The following UNC13B variants were observed in gnomAD, a reference collection of about 807,000 sequenced individuals.
The protein encoded by UNC13B is protein unc-13 homolog B.
Under a neutral mutation model 211.0 loss-of-function variants are expected in UNC13B, and 144 were observed. That is an observed-to-expected ratio of 0.68 (90% CI 0.60 to 0.78). UNC13B has a LOEUF of 0.78. Ranked by LOEUF, UNC13B falls within the 30% of genes least tolerant of loss-of-function variation. UNC13B has a pLI of 0.00. For synonymous variants in UNC13B, 709 were observed against 725.8 expected (o/e 0.98, Z 0.37); for missense variants, 1,777 against 2,002.0 (o/e 0.89, Z 2.14).
chr9:35,303,724 C>A lies in UNC13B; in HGVS notation c.4320C>A (p.Tyr1440Ter). ...SFNQLAFNED[Y>*]LLRGDVWAAN... ...ATCAGTTAGCATTTAATGAAGATTA[C>A]TTATTAAGAGGTGATGTGTGGGCAG... The change falls in exon 9 of 40, where the codon TAC (tyrosine) becomes TAA (stop). Residue 1440 changes from tyrosine to a stop codon, truncating the protein, a stop_gained. Transcript: ENST00000635942. LOFTEE classifies it high-confidence loss of function. 1 of 398,590 alleles carries A rather than the reference C, an allele frequency of 2.5e-6. No individual in the cohort carries two copies. The highest frequency in any genetic ancestry group is 4.4e-6 in the Non-Finnish European group (1 of 225,786). The allele number at this position is 398,590 out of a possible 1,614,324, so 24.7% of individuals were successfully genotyped here.
chr9:35,308,737 G>A (rs1273741604), intron 9 of UNC13B, among the ~76,000 whole-genome samples: 2 of 152,192 alleles, frequency 1.3e-5, no homozygotes, highest in African/African-American at 4.8e-5. Flanking sequence ...GGCAGGAAGA[G>A]GTAGTAAGTA....
intron 6 of UNC13B, among the ~76,000 whole-genome samples, chr9:35,254,178 A>G (rs74792484): frequency 6.6e-6 from 1 of 152,230 alleles, no homozygotes; most frequent in African/African-American, 2.4e-5. Flanking sequence ...TATAATAAAT[A>G]TAGTTGAGTA....
intron 6 of UNC13B, among the ~76,000 whole-genome samples, chr9:35,247,328 A>C (rs1219719426): frequency 6.6e-6 from 1 of 152,106 alleles, no homozygotes; most frequent in Non-Finnish European, 1.5e-5. Flanking sequence ...CTCTTTTTCT[A>C]ATTGAATACC....
rs187973608 is a variant in UNC13B at position 35,387,187 on chromosome 9, G to A, written c.11094+894G>A. Among the ~76,000 whole-genome samples, 17 of 152,264 alleles carry A rather than the reference G, an allele frequency of 1.1e-4. 2 individuals carry two copies. In the East Asian group the frequency reaches 1.5e-3, roughly 14 times the overall value. ...AATTCCAAGGAGGAAGAGTCTTTTCGCACTCTTGATCAGATACCAGGAAAA... is the reference window on the plus strand; with the variant it reads ...AATTCCAAGGAGGAAGAGTCTTTTCACACTCTTGATCAGATACCAGGAAAA... On this transcript the variant is annotated intron_variant, in intron 24 of 39. Coordinates refer to ENST00000635942, the MANE Select transcript of UNC13B (RefSeq NM_001371189.2).
At chr9:35,254,979 A>C (rs1826757045) in intron 6 of UNC13B, among the ~76,000 whole-genome samples, 2 of 121,746 alleles carry the variant, frequency 1.6e-5, no homozygotes, top group African/African-American at 6.4e-5. Context: ...ATTATATATT[A>C]ATATATGTAT....
chr9:35,351,897 C>T, intron 11 of UNC13B: 2 of 1,232,248 alleles, frequency 1.6e-6, no homozygotes, highest in Non-Finnish European at 2.0e-6. Context: ...ACCCTTTTGT[C>T]CAGAGGCCAT....
chr9:35,288,221 C>A (rs1191070222), intron 7 of UNC13B, among the ~76,000 whole-genome samples: 1 of 152,144 alleles, frequency 6.6e-6, no homozygotes, highest in African/African-American at 2.4e-5. Context: ...AACCAACCAC[C>A]ATTGGCCACA....
rs1389500028 is a variant in UNC13B at position 35,285,990 on chromosome 9, A to G, written c.527-9706A>G. Among the ~76,000 whole-genome samples, 4 of 152,150 alleles carry G rather than the reference A, an allele frequency of 2.6e-5. No homozygotes were observed. In the East Asian group the frequency reaches 7.7e-4, roughly 29 times the overall value. On this transcript the variant is annotated intron_variant, in intron 7 of 39. Coordinates refer to ENST00000635942, the MANE Select transcript of UNC13B (RefSeq NM_001371189.2). Reference sequence around the variant, plus strand: ...GTACTTGCTATACTCCCGTATTTCTAGAGAATTTTTAACACTGTAAATACA... The same window carrying G: ...GTACTTGCTATACTCCCGTATTTCTGGAGAATTTTTAACACTGTAAATACA...
intron 11 of UNC13B, among the ~76,000 whole-genome samples, chr9:35,316,196 C>A (rs572206676): frequency 1.3e-5 from 2 of 151,946 alleles, no homozygotes; most frequent in Non-Finnish European, 2.9e-5. Flanking sequence ...TGGTAACTTT[C>A]TGTTTCTATT....
chr9:35,206,911 T>C (rs1823687222), intron 1 of UNC13B, among the ~76,000 whole-genome samples: 1 of 151,148 alleles, frequency 6.6e-6, no homozygotes. Flanking sequence ...AAAACTCTAG[T>C]GTATGGATAT....
At chr9:35,188,329 C>T (rs1208830251) in intron 1 of UNC13B, among the ~76,000 whole-genome samples, 1 of 152,130 alleles carries the variant, frequency 6.6e-6, no homozygotes. Context: ...ACAAAATTTC[C>T]AAGGTAGTTA....
At chr9:35,330,113 C>A (rs1324381335) in intron 11 of UNC13B, among the ~76,000 whole-genome samples, 1 of 152,154 alleles carries the variant, frequency 6.6e-6, no homozygotes, top group East Asian at 1.9e-4. Context: ...CTAACAAATT[C>A]ATATTTGTTG....
intron 11 of UNC13B, among the ~76,000 whole-genome samples, chr9:35,330,275 G>A (rs1051557868): frequency 6.6e-6 from 1 of 152,202 alleles, no homozygotes; most frequent in African/African-American, 2.4e-5. Context: ...AGAACTGTTG[G>A]CTTTTAGGGA....
At chr9:35,288,451 T>A (rs1020342016) in intron 7 of UNC13B, among the ~76,000 whole-genome samples, 7 of 152,252 alleles carry the variant, frequency 4.6e-5, no homozygotes, top group Non-Finnish European at 7.3e-5. Flanking sequence ...GAACATGCCT[T>A]TGCATGCATA....
chr9:35,273,463 C>A (rs1171831469), intron 7 of UNC13B, among the ~76,000 whole-genome samples: 4 of 152,146 alleles, frequency 2.6e-5, no homozygotes, highest in African/African-American at 9.7e-5. Context: ...AGCCATTAGA[C>A]CTGATATTCA....
intron 1 of UNC13B, among the ~76,000 whole-genome samples, chr9:35,175,860 T>TAC (rs546513987): frequency 0.52 from 41,614 of 80,100 alleles, 6,256 homozygotes; most frequent in East Asian, 0.61. Context: ...CTACTAAAAA[T>TAC]ATATAAAAAA....
rs1828782836 is a variant in UNC13B at position 35,286,205 on chromosome 9, G to A, written c.527-9491G>A. On this transcript the variant is annotated intron_variant, in intron 7 of 39. Coordinates refer to ENST00000635942, the MANE Select transcript of UNC13B (RefSeq NM_001371189.2). ...AGGAACCAGTTATCAGACAGACCAA[G>A]CCATGTTTGGAAGCTTGGAACTTTT... is the stretch of plus-strand genomic sequence containing the variant. 2.7e-5 allele frequency among the ~76,000 whole-genome samples: 4 copies of A among 150,082 alleles called. No homozygotes were observed. In the South Asian group the frequency reaches 8.5e-4, roughly 32 times the overall value.
At chr9:35,249,702 C>T (rs957506810) in intron 6 of UNC13B, among the ~76,000 whole-genome samples, 2 of 152,202 alleles carry the variant, frequency 1.3e-5, no homozygotes, top group East Asian at 1.9e-4. Flanking sequence ...TTCTGGCTTG[C>T]AGAGTTTCTG....
chr9:35,352,340 A>C, intron 11 of UNC13B: 1 of 1,232,192 alleles, frequency 8.1e-7, no homozygotes, highest in African/African-American at 1.5e-5. Flanking sequence ...CCCTAGGCCC[A>C]CTGTTGTGAA....
Sources: gnomAD v4.1 joint callset for allele counts (sites outside exome capture counted in the v4.1 genomes callset) on GRCh38, gnomAD v4.1.1 for gene constraint, MANE v1.5 for transcripts, NCBI Gene and HGNC (gene_info 2026-07-23, HGNC 2026-07-21) for gene names.